Variants in SLC6A18 observed in about 807,000 individuals in gnomAD.
SLC6A18 encodes inactive sodium-dependent neutral amino acid transporter B(0)AT3.
In SLC6A18, 58 loss-of-function variants were observed where a neutral mutation model predicts 62.9. That is an observed-to-expected ratio of 0.92 (90% confidence interval 0.75 to 1.15). The LOEUF is 1.15. Ranked by LOEUF, SLC6A18 falls within the 50% of genes most tolerant of loss-of-function variation. The probability of loss-of-function intolerance (pLI) is 0.00; values close to 1 mark genes in which losing one functional copy is unlikely to be tolerated. For missense variants in SLC6A18, 793 were observed against 836.6 expected, an observed-to-expected ratio of 0.95 and a Z score of 0.64; for synonymous variants, 382 against 365.8, an observed-to-expected ratio of 1.04 and a Z score of -0.51.
chr5:1,244,168 C>CG (rs776727212), intron 9 of SLC6A18, 46 bp from the exon 10 acceptor site: 1 of 870,408 alleles, frequency 1.1e-6, no homozygotes, highest in South Asian at 1.5e-5. Context: ...CCCACACCTC[C>CG]ACTCCCCATC....
At position 1,243,047 on chromosome 5, in the gene SLC6A18, C is replaced by T. The variant is rs1474304915; in HGVS notation, c.1131+184C>T. Among the ~76,000 whole-genome samples the T allele has an allele frequency of 1.3e-5, 2 of 152,232 alleles. No homozygotes were observed. Among genetic ancestry groups the T allele is most frequent in the Admixed American group, 6.5e-5 (1 of 15,292 alleles). ...CCAGGCCTCCTGGAAAGCCCGAAGT[C>T]CTGGGGGCAGCTGTGTCCAGCAGAC... On this transcript the variant is annotated intron_variant, in intron 8 of 11. Coordinates refer to ENST00000324642, the MANE Select transcript of SLC6A18 (RefSeq NM_182632.3). This position sits in a 1 kb window ranked among gnomAD's most constrained non-coding sequence, Gnocchi z 6.5.
At chr5:1,229,504 A>G (rs1163653773) in intron 1 of SLC6A18, among the ~76,000 whole-genome samples, 1 of 152,156 alleles carries the variant, frequency 6.6e-6, no homozygotes, top group Non-Finnish European at 1.5e-5. Context: ...CCCTCACCAC[A>G]GAGCAAGGGT....
intron 1 of SLC6A18, among the ~76,000 whole-genome samples, chr5:1,230,830 C>G (rs76247443): frequency 0.042 from 6,343 of 152,264 alleles, 185 homozygotes; most frequent in Non-Finnish European, 0.058. Flanking sequence ...TGTCCCAGCA[C>G]CTGTGCATGC....
At chr5:1,229,080 C>G (rs1446279948) in intron 1 of SLC6A18, among the ~76,000 whole-genome samples, 2 of 152,218 alleles carry the variant, frequency 1.3e-5, no homozygotes, top group East Asian at 3.9e-4. Flanking sequence ...GCCACCACCC[C>G]CAACCACAAC....
At chr5:1,235,350 A>T (rs554936239) in intron 3 of SLC6A18, 131 bp from the exon 4 acceptor site, 2 of 831,018 alleles carry the variant, frequency 2.4e-6, no homozygotes, top group African/African-American at 3.5e-5. Flanking sequence ...CCTGGGCCCA[A>T]AAAGAAGTGA....
At chr5:1,244,916 G>A (rs990303386) in intron 11 of SLC6A18, 149 bp downstream of exon 11, 9 of 920,728 alleles carry the variant, frequency 9.8e-6, no homozygotes, top group Middle Eastern at 2.5e-4. Flanking sequence ...CTGGCAAACT[G>A]GGAAGCCAGG....
At chr5:1,231,609 G>A (rs1303683950) in intron 1 of SLC6A18, among the ~76,000 whole-genome samples, 1 of 152,184 alleles carries the variant, frequency 6.6e-6, no homozygotes, top group Non-Finnish European at 1.5e-5. Context: ...GCTCCAACAA[G>A]AGCAGCATGA....
Position 1,232,810 on chromosome 5 carries a change from T to A in SLC6A18, c.361T>A (p.Trp121Arg). 1 of 1,613,460 alleles carries A rather than the reference T, an allele frequency of 6.2e-7. No homozygotes were observed. The change falls in exon 3 of 12, where the codon TGG (tryptophan) becomes AGG (arginine). Residue 121 changes from tryptophan (W) to arginine (R), a missense_variant. Transcript: ENST00000324642. Reference protein sequence around the residue: ...ISLYYNTIVAWVLWYLLNSFQ... With the variant: ...ISLYYNTIVARVLWYLLNSFQ... Reference sequence around the variant, plus strand: ...CCTGTACTACAACACCATCGTGGCGTGGGTGCTGTGGTACCTCCTCAACTC... The same window carrying A: ...CCTGTACTACAACACCATCGTGGCGAGGGTGCTGTGGTACCTCCTCAACTC...
At chr5:1,232,927 G>A in intron 3 of SLC6A18, 39 bp downstream of exon 3, 6 of 1,576,802 alleles carry the variant, frequency 3.8e-6, no homozygotes, top group Non-Finnish European at 5.2e-6. Context: ...TCCGTGCACG[G>A]CCGAGAGAGG....
At chr5:1,229,609 C>T (rs1393799404) in intron 1 of SLC6A18, among the ~76,000 whole-genome samples, 5 of 152,212 alleles carry the variant, frequency 3.3e-5, no homozygotes, top group Admixed American at 2.6e-4. Flanking sequence ...CCCACCGCGA[C>T]GTGGTGCCCA....
chr5:1,231,932 C>T (rs774723607), intron 1 of SLC6A18, among the ~76,000 whole-genome samples: 5 of 152,214 alleles, frequency 3.3e-5, no homozygotes, highest in African/African-American at 7.2e-5. Flanking sequence ...ACAGGGGTCA[C>T]GCTTAGACCC....
rs1333413728 is a variant in SLC6A18, at chr5:1,243,626, G to A, written c.1203G>A (p.Val401=). Residue 401 remains valine (V), a synonymous_variant, in exon 9 of 12, where the codon GTG becomes GTA. Transcript: ENST00000324642. This position sits in a 1 kb window ranked among gnomAD's most constrained non-coding sequence, Gnocchi z 6.5. ...ACCTCCACATGCCGGGGGCTCCTGT[G>A]TGGGCCATGCTCTTCTTCGGGATGC... ...ETDLHMPGAP[V]WAMLFFGMLF... The A allele has an allele frequency of 6.2e-7, 1 of 1,613,976 alleles. No individual in the cohort carries two copies. The highest frequency in any genetic ancestry group is 8.5e-7 in the Non-Finnish European group (1 of 1,180,020).
At position 1,245,883 on chromosome 5, in the gene SLC6A18, G is replaced by A. The variant is rs375818512; in HGVS notation, c.1692G>A (p.Pro564=). 12 of 1,608,194 alleles carry A rather than the reference G, an allele frequency of 7.5e-6. No individual in the cohort carries two copies. The Middle Eastern group carries it at 1.3e-3, about 177-fold the overall frequency. ...CCTCGCGTCAGGAGAAGCTCTACCC[G>A]GGCTGGGCGCGCGCCGCCTGTGTGC... ...LFPSRQEKLY[P]GWARAACVLL... The change falls in exon 12 of 12, where the codon CCG becomes CCA. Residue 564 remains proline, a synonymous_variant. Transcript: ENST00000324642.
At chr5:1,236,736 G>A (rs1029659229) in intron 4 of SLC6A18, among the ~76,000 whole-genome samples, 2 of 145,590 alleles carry the variant, frequency 1.4e-5, no homozygotes, top group African/African-American at 5.3e-5. Context: ...GCTGTGCAGT[G>A]TCTCAGGACG....
chr5:1,237,077 TAA>T (rs59702141), intron 4 of SLC6A18, among the ~76,000 whole-genome samples: 80 of 137,678 alleles, frequency 5.8e-4, no homozygotes, highest in Middle Eastern at 3.6e-3. Context: ...CTACTAAAAA[TAA>T]AAAAAAAAAA....
chr5:1,227,270 C>T (rs951698399), intron 1 of SLC6A18, among the ~76,000 whole-genome samples: 6 of 152,194 alleles, frequency 3.9e-5, no homozygotes, highest in South Asian at 2.1e-4. Flanking sequence ...AGCTGCTCCA[C>T]GCTGGGGCAA....
At chr5:1,238,946 A>C (rs566927799) in intron 5 of SLC6A18, among the ~76,000 whole-genome samples, 59 of 152,320 alleles carry the variant, frequency 3.9e-4, no homozygotes, top group Middle Eastern at 3.4e-3. Context: ...CCTGCCCAGC[A>C]TCCCGAGGCA....
intron 4 of SLC6A18, among the ~76,000 whole-genome samples, chr5:1,236,949 C>T (rs1349938186): frequency 6.6e-6 from 1 of 151,900 alleles, no homozygotes; most frequent in Non-Finnish European, 1.5e-5. Flanking sequence ...AAAATGCATC[C>T]CAAGCTGGGC....
rs1746776785 is a variant in SLC6A18, at chr5:1,233,029, A to G, written c.439+141A>G. The G allele has an allele frequency of 8.0e-6, 10 of 1,251,640 alleles. No homozygotes were observed. The South Asian group carries it at 1.5e-4, about 19-fold the overall frequency. 77.5% of individuals were successfully genotyped at this position (1,251,640 alleles called of 1,614,324 possible). On this transcript the variant is annotated intron_variant, in intron 3 of 11. Coordinates refer to ENST00000324642, the MANE Select transcript of SLC6A18 (RefSeq NM_182632.3). ...CCGGGGAACCGGTTGCTCTGTGTGCACATGCACGCGCCTCGGTCTCCCCAG... is the reference window on the plus strand; with the variant it reads ...CCGGGGAACCGGTTGCTCTGTGTGCGCATGCACGCGCCTCGGTCTCCCCAG...
Sources: gnomAD v4.1 joint callset for allele counts (sites outside exome capture counted in the v4.1 genomes callset) on GRCh38, gnomAD v4.1.1 for gene constraint, Gnocchi (gnomAD v3.1) non-coding constraint, MANE v1.5 for transcripts, NCBI Gene and HGNC (gene_info 2026-07-23, HGNC 2026-07-21) for gene names.